LRRC4C: variants seen among roughly 807,000 people sequenced by gnomAD.
The protein encoded by LRRC4C is leucine-rich repeat-containing protein 4C.
A neutral mutation model predicts 33.6 loss-of-function variants in LRRC4C; 5 were observed. The ratio of observed to expected loss-of-function variants is 0.15; its 90% CI spans 0.08 to 0.31. The LOEUF is 0.31. LRRC4C is among the 10% of genes least tolerant of loss of function. LRRC4C has a pLI of 1.00. For missense variants in LRRC4C, 560 were observed against 796.7 expected (o/e 0.70, Z 3.58); for synonymous variants, 329 against 302.0 (o/e 1.09, Z -0.93).
chr11:40,320,743 G>A (rs1590306533), intron 3 of LRRC4C, among the ~76,000 whole-genome samples: 1 of 152,102 alleles, frequency 6.6e-6, no homozygotes, highest in East Asian at 1.9e-4. Flanking sequence ...TTGCCACTAA[G>A]GACCCTTCCA....
chr11:41,016,145 AT>A (rs1450958517), intron 1 of LRRC4C, among the ~76,000 whole-genome samples: 1 of 145,686 alleles, frequency 6.9e-6, no homozygotes, highest in African/African-American at 2.5e-5. Context: ...ATCAACACAC[AT>A]TTGTCTTAGT....
chr11:41,055,777 A>G (rs937111830), intron 1 of LRRC4C, among the ~76,000 whole-genome samples: 3 of 152,168 alleles, frequency 2.0e-5, no homozygotes, highest in African/African-American at 7.2e-5. Flanking sequence ...AGATCTAGTT[A>G]TGTGGCAGTA....
At chr11:41,394,736 G>GCTGCCACTGAAGTTGTTT (rs1953739211) in intron 1 of LRRC4C, 1 of 151,952 alleles carries the variant, frequency 6.6e-6, no homozygotes. Flanking sequence ...TGACATTGCT[G>GCTGCCACTGAAGTTGTTT]CTGCCACTGA....
intron 1 of LRRC4C, among the ~76,000 whole-genome samples, chr11:41,038,769 TC>T (rs1447485372): frequency 1.3e-5 from 2 of 151,984 alleles, no homozygotes; most frequent in African/African-American, 4.8e-5. Flanking sequence ...AAAAATCTCA[TC>T]CCCCTAAAGT....
At chr11:40,280,809 A>G (rs1162471621) in intron 4 of LRRC4C, among the ~76,000 whole-genome samples, 3 of 152,184 alleles carry the variant, frequency 2.0e-5, no homozygotes, top group Non-Finnish European at 2.9e-5. Flanking sequence ...CCAACAAGGG[A>G]AAGCCCCAAC....
intron 2 of LRRC4C, among the ~76,000 whole-genome samples, chr11:40,843,746 C>T (rs1953022768): frequency 6.6e-6 from 1 of 152,108 alleles, no homozygotes; most frequent in Non-Finnish European, 1.5e-5. Context: ...AAATATTTAT[C>T]TCACTTAAAC....
chr11:41,062,535 T>C (rs1457490344), intron 1 of LRRC4C, among the ~76,000 whole-genome samples: 2 of 152,082 alleles, frequency 1.3e-5, no homozygotes, highest in Non-Finnish European at 2.9e-5. Flanking sequence ...TAAATATCTA[T>C]CTAATTAAAT....
At chr11:41,127,418 A>G (rs1942797447) in intron 1 of LRRC4C, among the ~76,000 whole-genome samples, 1 of 152,088 alleles carries the variant, frequency 6.6e-6, no homozygotes, top group South Asian at 2.1e-4. Flanking sequence ...ATATGGAAGT[A>G]TTATGTTATA....
chr11:40,405,635 C>T (rs1305565295), intron 3 of LRRC4C, among the ~76,000 whole-genome samples: 2 of 144,098 alleles, frequency 1.4e-5, no homozygotes, highest in South Asian at 2.2e-4. Context: ...AAGGAATGTA[C>T]ATTGTTGATA....
At chr11:40,209,673 G>T (rs1863436612) in intron 5 of LRRC4C, among the ~76,000 whole-genome samples, 1 of 152,052 alleles carries the variant, frequency 6.6e-6, no homozygotes, top group Non-Finnish European at 1.5e-5. Flanking sequence ...CTCCCAAGTA[G>T]CTGGGACTAC....
At chr11:40,141,682 T>C (rs536596667) in intron 5 of LRRC4C, among the ~76,000 whole-genome samples, 1 of 152,158 alleles carries the variant, frequency 6.6e-6, no homozygotes. Context: ...AGAGTAAGTA[T>C]GGAGAGAACA....
intron 1 of LRRC4C, among the ~76,000 whole-genome samples, chr11:41,436,176 G>T (rs1262906209): frequency 1.3e-5 from 2 of 152,156 alleles, no homozygotes; most frequent in East Asian, 1.9e-4. Flanking sequence ...TGCACTTCAG[G>T]CTGGGTGACA....
At chr11:41,151,946 T>C (rs1156817360) in intron 1 of LRRC4C, among the ~76,000 whole-genome samples, 5 of 152,210 alleles carry the variant, frequency 3.3e-5, no homozygotes, top group African/African-American at 7.2e-5. Flanking sequence ...ATTCTCATAG[T>C]GCATTTTTAG....
At chr11:41,057,238 G>A (rs1333936548) in intron 1 of LRRC4C, among the ~76,000 whole-genome samples, 2 of 152,266 alleles carry the variant, frequency 1.3e-5, no homozygotes, top group South Asian at 2.1e-4. Flanking sequence ...CAAAGCCTGG[G>A]TACTCTCACA....
intron 1 of LRRC4C, among the ~76,000 whole-genome samples, chr11:41,423,487 C>T (rs959988798): frequency 1.3e-5 from 2 of 151,960 alleles, no homozygotes; most frequent in Admixed American, 6.6e-5. Context: ...TTGTAAAAGC[C>T]ACTCTTTGTG....
At chr11:40,772,993 T>G (rs1343260937) in intron 2 of LRRC4C, among the ~76,000 whole-genome samples, 1 of 152,202 alleles carries the variant, frequency 6.6e-6, no homozygotes, top group Admixed American at 6.5e-5. Context: ...ATGTGGCACA[T>G]ATACACAATG....
chr11:41,439,671 T>C (rs1335666757), intron 1 of LRRC4C, among the ~76,000 whole-genome samples: 10 of 152,230 alleles, frequency 6.6e-5, no homozygotes, highest in South Asian at 4.1e-4. Flanking sequence ...TGTTAGCAGC[T>C]TGTATGTCTT....
chr11:41,447,886 C>T (rs1281967440), intron 1 of LRRC4C, among the ~76,000 whole-genome samples: 2 of 152,088 alleles, frequency 1.3e-5, no homozygotes, highest in Admixed American at 1.3e-4. Context: ...TCTTAGCAGC[C>T]TCACCTTTGT....
intron 1 of LRRC4C, among the ~76,000 whole-genome samples, chr11:41,300,241 G>A (rs966196482): frequency 5.9e-5 from 9 of 152,094 alleles, no homozygotes; most frequent in Admixed American, 5.2e-4. Flanking sequence ...CTTTACTGGA[G>A]AGCTTCATTT....
Sources: gnomAD v4.1 joint callset for allele counts (sites outside exome capture counted in the v4.1 genomes callset) on GRCh38, gnomAD v4.1.1 for gene constraint, MANE v1.5 for transcripts, NCBI Gene and HGNC (gene_info 2026-07-23, HGNC 2026-07-21) for gene names.